Variants in C1orf159 observed in about 807,000 individuals in gnomAD.
The protein encoded by C1orf159 is chromosome 1 open reading frame 159, also known as uncharacterized protein C1orf159.
Under a neutral mutation model 25.6 loss-of-function variants are expected in C1orf159, and 19 were observed. The ratio of observed to expected loss-of-function variants is 0.74; its 90% CI spans 0.52 to 1.09. The LOEUF is 1.09. Ranked by LOEUF, C1orf159 falls within the 50% of genes least tolerant of loss-of-function variation. C1orf159 has a pLI of 0.00. For missense variants in C1orf159, 274 were observed against 290.6 expected, an observed-to-expected ratio of 0.94 and a Z score of 0.42; for synonymous variants, 139 against 124.7, an observed-to-expected ratio of 1.12 and a Z score of -0.77.
intron 1 of C1orf159, among the ~76,000 whole-genome samples, chr1:1,108,627 CA>C (rs1646212763): frequency 6.1e-5 from 5 of 82,502 alleles, no homozygotes; most frequent in African/African-American, 2.3e-4. Context: ...CACCATGTCT[CA>C]GCAGCACCGT....
Position 1,110,926 on chromosome 1 carries a change from T to C in C1orf159, c.-136+5134A>G, listed in dbSNP as rs952866739. On this transcript the variant is annotated intron_variant, in intron 1 of 9. Coordinates refer to ENST00000421241, the MANE Select transcript of C1orf159 (RefSeq NM_017891.5). The surrounding 1 kb of genome is among the most constrained non-coding windows in gnomAD (Gnocchi z 4.8). ...CGGTAAAATCACAGCAGCGCTCCTG[T>C]CTGGCGCGGCAGGCGGGCGCTGGAG... 1.3e-5 allele frequency among the ~76,000 whole-genome samples: 2 copies of C among 152,206 alleles called. No homozygotes were observed. Among genetic ancestry groups the C allele is most frequent in the African/African-American group, 4.8e-5 (2 of 41,452 alleles).
rs899343026 is a variant in C1orf159, at chr1:1,087,515, G to A, written c.231C>T (p.Ser77=). Residue 77 remains serine, a synonymous_variant, in exon 5 of 10, where the codon TCC becomes TCT. Coordinates refer to ENST00000421241, the MANE Select transcript of C1orf159 (RefSeq NM_017891.5). This position sits in a 1 kb window ranked among gnomAD's most constrained non-coding sequence, Gnocchi z 8.3. ...GGGCAGACCTACAGCTTCTACACTC[G>A]GAGCCGTTGTAGGCTGGGAGGGTTC... ...GNGTLPAYNG[S]ECRSFAGPGA... is the part of the protein sequence containing the mutation. 15 of 1,549,320 alleles carry A rather than the reference G, an allele frequency of 9.7e-6. No individual in the cohort carries two copies. Among genetic ancestry groups the A allele is most frequent in the Admixed American group, 7.9e-5 (4 of 50,924 alleles).
At chr1:1,084,195 G>T in intron 9 of C1orf159, 158 bp downstream of exon 9, 3 of 1,524,444 alleles carry the variant, frequency 2.0e-6, no homozygotes, top group Non-Finnish European at 1.8e-6. Flanking sequence ...GCCAAATCCG[G>T]CCCTGGCCCT....
Position 1,085,308 on chromosome 1 carries a change from G to A in C1orf159, c.445+570C>T, listed in dbSNP as rs751856106. The A allele has an allele frequency of 1.6e-3, 681 of 418,568 alleles. 1 individual carries two copies. Among genetic ancestry groups the A allele is most frequent in the Non-Finnish European group, 2.8e-3 (570 of 206,502 alleles). 25.9% of individuals were successfully genotyped at this position (418,568 alleles called of 1,614,324 possible). ...CCTGGCAGGGACCCTGCGGGGGCCG[G>A]CCCTGGACAACGAGGGCAGGCACCA... On this transcript the variant is annotated intron_variant, in intron 7 of 9. Transcript: ENST00000421241.
chr1:1,087,045 T>A lies in C1orf159; in HGVS notation c.310+94A>T. 7.8e-7 allele frequency: 1 copy of A among 1,283,914 alleles called. No homozygotes were observed. The highest frequency in any genetic ancestry group is 2.5e-5 in the East Asian group (1 of 40,362). 79.5% of individuals were successfully genotyped at this position (1,283,914 alleles called of 1,614,324 possible). On this transcript the variant is annotated intron_variant, in intron 6 of 9. Coordinates refer to ENST00000421241, the MANE Select transcript of C1orf159 (RefSeq NM_017891.5). This position sits in a 1 kb window ranked among gnomAD's most constrained non-coding sequence, Gnocchi z 8.3. ...CTGTTTTGCAGAACCCTGAGCCTGC[T>A]GTGGCTGCGTCAAGGGTGAGGGTCT...
chr1:1,113,279 C>T (rs1036973302), intron 1 of C1orf159, among the ~76,000 whole-genome samples: 1 of 152,044 alleles, frequency 6.6e-6, no homozygotes, highest in African/African-American at 2.4e-5. Context: ...CAGCGAGAAT[C>T]GAGGCCGCTG....
At chr1:1,099,675 G>T (rs1188133076) in intron 1 of C1orf159, among the ~76,000 whole-genome samples, 39 of 108,618 alleles carry the variant, frequency 3.6e-4, no homozygotes, top group African/African-American at 7.7e-4. Flanking sequence ...ATTGTCTGCT[G>T]ATGTTTTTGG....
At chr1:1,099,583 T>C (rs1354816722) in intron 1 of C1orf159, among the ~76,000 whole-genome samples, 1 of 152,146 alleles carries the variant, frequency 6.6e-6, no homozygotes, top group Non-Finnish European at 1.5e-5. Flanking sequence ...CGACTATGAT[T>C]GTGGGTTGTC....
At chr1:1,102,604 C>T (rs1246297376) in intron 1 of C1orf159, among the ~76,000 whole-genome samples, 1 of 117,208 alleles carries the variant, frequency 8.5e-6, no homozygotes, top group Non-Finnish European at 1.7e-5. Context: ...TAGCGAAACC[C>T]TGTCTCTACT....
intron 1 of C1orf159, among the ~76,000 whole-genome samples, chr1:1,101,191 C>T (rs1646095120): frequency 6.6e-6 from 1 of 152,046 alleles, no homozygotes; most frequent in African/African-American, 2.4e-5. Flanking sequence ...TCCATAATTA[C>T]TCACAAACTT....
At chr1:1,113,887 G>A (rs552016603) in intron 1 of C1orf159, among the ~76,000 whole-genome samples, 1 of 151,734 alleles carries the variant, frequency 6.6e-6, no homozygotes, top group Non-Finnish European at 1.5e-5. Context: ...GAGTTTACTG[G>A]AGTTGTGCGC....
chr1:1,086,138 C>A (rs1645827405), intron 6 of C1orf159, 126 bp from the exon 7 acceptor site: 2 of 1,219,532 alleles, frequency 1.6e-6, no homozygotes, highest in Non-Finnish European at 2.3e-6. Context: ...ACGGGACCGG[C>A]TGTGGGTGCC....
chr1:1,085,856 C>T, intron 7 of C1orf159, 22 bp downstream of exon 7: 7 of 1,612,190 alleles, frequency 4.3e-6, no homozygotes, highest in Non-Finnish European at 5.9e-6. Context: ...TCCCGTGGGG[C>T]AGGTGCTGGT....
intron 2 of C1orf159, chr1:1,091,790 T>C (rs1288061361): frequency 7.7e-5 from 1 of 12,958 alleles, no homozygotes; most frequent in Non-Finnish European, 1.6e-4. Flanking sequence ...GGCGGGGCTG[T>C]GGCAGGGAGG....
intron 9 of C1orf159, chr1:1,083,987 C>G: frequency 6.2e-6 from 10 of 1,604,664 alleles, no homozygotes; most frequent in Non-Finnish European, 8.5e-6. Context: ...TGGCGGAGGC[C>G]GGCTGCGTCT....
At position 1,087,486 on chromosome 1, in the gene C1orf159, A is replaced by C; in HGVS notation, c.244+16T>G. 1 of 1,539,610 alleles carries C rather than the reference A, an allele frequency of 6.5e-7. No individual in the cohort carries two copies. Among genetic ancestry groups the C allele is most frequent in the South Asian group, 1.2e-5 (1 of 83,704 alleles). On this transcript the variant is annotated intron_variant, in intron 5 of 9. Transcript: ENST00000421241. The surrounding 1 kb of genome is among the most constrained non-coding windows in gnomAD (Gnocchi z 8.3). ...GAGCTGTGAGAAGGGAGCCGGGGGG[A>C]GCCGGGCAGACCTACAGCTTCTACA...
intron 1 of C1orf159, among the ~76,000 whole-genome samples, chr1:1,101,949 A>G (rs1646106099): frequency 6.6e-6 from 1 of 151,388 alleles, no homozygotes; most frequent in South Asian, 2.1e-4. Context: ...GCACGGGCAT[A>G]TAGTCCCAGC....
intron 1 of C1orf159, among the ~76,000 whole-genome samples, chr1:1,098,311 C>T (rs1390132747): frequency 1.3e-5 from 2 of 152,142 alleles, no homozygotes; most frequent in East Asian, 3.8e-4. Context: ...CCTTCTGATC[C>T]ACCCACCTCG....
intron 4 of C1orf159, 108 bp downstream of exon 4, chr1:1,090,245 C>G: frequency 8.7e-7 from 1 of 1,151,668 alleles, no homozygotes; most frequent in Non-Finnish European, 1.3e-6. Context: ...CCCCAGGTCC[C>G]GCAGCACAGA....
Sources: allele counts gnomAD v4.1 joint callset (sites outside exome capture counted in the v4.1 genomes callset), GRCh38; gene constraint gnomAD v4.1.1; non-coding constraint Gnocchi (gnomAD v3.1); transcripts MANE v1.5; gene names NCBI Gene and HGNC (gene_info 2026-07-23, HGNC 2026-07-21).